PDE4D: variants seen among roughly 807,000 people sequenced by gnomAD.
The protein encoded by PDE4D is 3',5'-cyclic-AMP phosphodiesterase 4D.
In PDE4D, 24 loss-of-function variants were observed where a neutral mutation model predicts 87.4. That is an observed-to-expected ratio of 0.27 (90% CI 0.20 to 0.39). The LOEUF is 0.39. Among genes scored for constraint, PDE4D ranks in the 10% least tolerant of loss-of-function variants. The probability of loss-of-function intolerance (pLI) is 1.00; values close to 1 mark genes in which losing one functional copy is unlikely to be tolerated. For synonymous variants in PDE4D, 384 were observed against 383.2 expected (o/e 1.00, Z -0.02); for missense variants, 714 against 1,041.0 (o/e 0.69, Z 4.32).
chr5:60,231,772 C>T (rs1227544187), intron 1 of PDE4D, among the ~76,000 whole-genome samples: 2 of 151,960 alleles, frequency 1.3e-5, no homozygotes, highest in South Asian at 2.1e-4. Context: ...TCAAATTCTT[C>T]GTCTTGAGCT....
At chr5:60,144,080 A>T (rs1328966550) in intron 2 of PDE4D, among the ~76,000 whole-genome samples, 1 of 152,098 alleles carries the variant, frequency 6.6e-6, no homozygotes, top group African/African-American at 2.4e-5. Context: ...GGCTGACCCT[A>T]TCATGTACAT....
At chr5:59,188,575 G>T (rs1743455734) in intron 3 of PDE4D, among the ~76,000 whole-genome samples, 1 of 152,096 alleles carries the variant, frequency 6.6e-6, no homozygotes, top group Non-Finnish European at 1.5e-5. Context: ...AAAATAAATG[G>T]TTTCGAGGAT....
At chr5:58,987,319 A>G (rs1459444264) in intron 11 of PDE4D, among the ~76,000 whole-genome samples, 1 of 152,248 alleles carries the variant, frequency 6.6e-6, no homozygotes, top group East Asian at 1.9e-4. Context: ...ATCTGGATAA[A>G]TAAGTTCCTA....
chr5:59,339,778 C>G (rs1402110150), intron 1 of PDE4D, among the ~76,000 whole-genome samples: 1 of 152,110 alleles, frequency 6.6e-6, no homozygotes, highest in Non-Finnish European at 1.5e-5. Flanking sequence ...GCCTCAGTCT[C>G]TTGAGGTTAA....
intron 2 of PDE4D, among the ~76,000 whole-genome samples, chr5:60,097,524 A>G (rs1478496988): frequency 6.6e-6 from 1 of 152,032 alleles, no homozygotes; most frequent in African/African-American, 2.4e-5. Context: ...TGACTTAATC[A>G]CTTGGGTCAA....
chr5:59,548,883 T>A (rs1030371198), intron 1 of PDE4D, among the ~76,000 whole-genome samples: 1 of 152,174 alleles, frequency 6.6e-6, no homozygotes, highest in African/African-American at 2.4e-5. Context: ...AGAACTTTTT[T>A]CTGCTAGCTC....
At chr5:60,504,999 A>G (rs1242146691) in intron 1 of PDE4D, among the ~76,000 whole-genome samples, 1 of 152,218 alleles carries the variant, frequency 6.6e-6, no homozygotes, top group Non-Finnish European at 1.5e-5. Flanking sequence ...AAAATCAAAT[A>G]TCTAAATAGA....
intron 5 of PDE4D, among the ~76,000 whole-genome samples, chr5:59,128,010 A>G (rs1006080948): frequency 3.0e-5 from 3 of 101,402 alleles, no homozygotes; most frequent in Non-Finnish European, 4.1e-5. Context: ...CTGAGCTTTC[A>G]GAGCCGTGTG....
intron 1 of PDE4D, among the ~76,000 whole-genome samples, chr5:59,805,855 C>T (rs1397772976): frequency 1.3e-5 from 2 of 152,194 alleles, no homozygotes; most frequent in Non-Finnish European, 1.5e-5. Context: ...TGAACAGTCC[C>T]CGAAATAACT....
intron 1 of PDE4D, among the ~76,000 whole-genome samples, chr5:59,848,696 C>T (rs1260908811): frequency 6.6e-6 from 1 of 151,898 alleles, no homozygotes; most frequent in Non-Finnish European, 1.5e-5. Context: ...CTTCATACCC[C>T]TTAAGAGGGC....
intron 1 of PDE4D, among the ~76,000 whole-genome samples, chr5:59,345,538 A>G (rs1174386582): frequency 1.3e-5 from 2 of 152,206 alleles, no homozygotes; most frequent in Admixed American, 6.5e-5. Flanking sequence ...GTTACATAGT[A>G]TTCATCATGA....
rs533659264 is a variant in PDE4D, at chr5:59,827,865, A to C, written c.455+65303T>G. Reference sequence around the variant, plus strand: ...GCTCCCATTAAAATGTACATATGAAAAACACATTAAAATAAAAAATTGGCT... The same window carrying C: ...GCTCCCATTAAAATGTACATATGAACAACACATTAAAATAAAAAATTGGCT... On this transcript the variant is annotated intron_variant, in intron 1 of 14. Coordinates refer to ENST00000340635, the MANE Select transcript of PDE4D (RefSeq NM_001104631.2). Among the ~76,000 whole-genome samples the C allele has an allele frequency of 1.3e-5, 2 of 152,254 alleles. 1 individual carries two copies. The highest frequency in any genetic ancestry group is 4.1e-4 in the South Asian group (2 of 4,828).
chr5:59,288,339 C>A (rs111554033), intron 1 of PDE4D, among the ~76,000 whole-genome samples: 107 of 151,498 alleles, frequency 7.1e-4, no homozygotes, highest in African/African-American at 2.5e-3. Flanking sequence ...CTTAACAGCA[C>A]AAAACAATCA....
chr5:59,192,934 A>C (rs1398604085), intron 3 of PDE4D, among the ~76,000 whole-genome samples: 3 of 152,226 alleles, frequency 2.0e-5, no homozygotes, highest in African/African-American at 7.2e-5. Context: ...GTCTATACAT[A>C]GAACATCTGG....
chr5:59,643,766 C>T (rs1741996267), intron 1 of PDE4D, among the ~76,000 whole-genome samples: 1 of 152,080 alleles, frequency 6.6e-6, no homozygotes. Context: ...AATTTGCATC[C>T]AAATGTAGTA....
intron 2 of PDE4D, among the ~76,000 whole-genome samples, chr5:60,030,424 T>C (rs1235670695): frequency 5.3e-5 from 8 of 152,130 alleles, no homozygotes; most frequent in Admixed American, 5.2e-4. Flanking sequence ...CAGTCCGCAG[T>C]CCGGCCTGGG....
At chr5:60,477,756 T>A (rs549694920) in intron 1 of PDE4D, among the ~76,000 whole-genome samples, 1 of 152,298 alleles carries the variant, frequency 6.6e-6, no homozygotes, top group African/African-American at 2.4e-5. Flanking sequence ...CAACTGGACT[T>A]GCCCATGCTT....
intron 1 of PDE4D, among the ~76,000 whole-genome samples, chr5:59,502,826 C>T (rs1386152794): frequency 6.6e-6 from 1 of 150,834 alleles, no homozygotes; most frequent in Non-Finnish European, 1.5e-5. Context: ...AAAGGACAAA[C>T]TAACATCTGA....
chr5:59,702,638 G>T (rs1262086545), intron 1 of PDE4D, among the ~76,000 whole-genome samples: 1 of 151,894 alleles, frequency 6.6e-6, no homozygotes, highest in Admixed American at 6.6e-5. Flanking sequence ...GGAGGCCAAG[G>T]CAGGAAGATG....
Sources: gnomAD v4.1 joint callset for allele counts (sites outside exome capture counted in the v4.1 genomes callset) on GRCh38, gnomAD v4.1.1 for gene constraint, MANE v1.5 for transcripts, NCBI Gene and HGNC (gene_info 2026-07-23, HGNC 2026-07-21) for gene names.